Variants in TAFA1 observed in about 807,000 individuals in gnomAD.
TAFA1 encodes chemokine-like protein TAFA-1.
TAFA1 carries 4 observed loss-of-function variants against 18.5 expected under a neutral mutation model. The observed-to-expected ratio is 0.22, with a 90% CI of 0.11 to 0.49. The LOEUF (loss-of-function observed/expected upper bound fraction) is 0.49, where lower values mean the gene tolerates loss of function less well. Among genes scored for constraint, TAFA1 ranks in the 20% least tolerant of loss-of-function variants. The pLI is 0.98. For synonymous variants in TAFA1, 56 were observed against 55.2 expected (o/e 1.01, Z -0.06); for missense variants, 147 against 169.0 (o/e 0.87, Z 0.72).
At chr3:68,428,338 G>C (rs1259303264) in intron 3 of TAFA1, among the ~76,000 whole-genome samples, 1 of 151,828 alleles carries the variant, frequency 6.6e-6, no homozygotes, top group Non-Finnish European at 1.5e-5. Context: ...ACTACACTTT[G>C]TTCCAGCCAT....
At chr3:68,400,883 G>A (rs771931430) in intron 2 of TAFA1, among the ~76,000 whole-genome samples, 13 of 152,090 alleles carry the variant, frequency 8.5e-5, no homozygotes, top group Non-Finnish European at 1.9e-4. Context: ...TACCATTGAC[G>A]AGAACTGTGT....
chr3:68,246,678 G>T (rs1360995941), intron 2 of TAFA1: 1 of 142,480 alleles, frequency 7.0e-6, no homozygotes, highest in African/African-American at 2.6e-5. Flanking sequence ...ATAATGAGAC[G>T]ATACAGTGAA....
intron 2 of TAFA1, among the ~76,000 whole-genome samples, chr3:68,327,518 C>G (rs548431868): frequency 2.6e-5 from 4 of 152,102 alleles, no homozygotes; most frequent in Admixed American, 6.5e-5. Flanking sequence ...TTGCTAGCAG[C>G]ATGAAACTGG....
At chr3:68,503,977 ATAAT>A (rs1450083690) in intron 3 of TAFA1, among the ~76,000 whole-genome samples, 9 of 152,294 alleles carry the variant, frequency 5.9e-5, no homozygotes, top group East Asian at 1.9e-4. Context: ...AACCACAGAA[ATAAT>A]TAATCCAATG....
chr3:68,309,477 C>A (rs529938576), intron 2 of TAFA1, among the ~76,000 whole-genome samples: 2 of 152,242 alleles, frequency 1.3e-5, no homozygotes, highest in East Asian at 3.9e-4. Context: ...GAAAATTTAA[C>A]CCATGTCTAT....
At chr3:68,177,975 T>A (rs977888500) in intron 2 of TAFA1, among the ~76,000 whole-genome samples, 1 of 152,088 alleles carries the variant, frequency 6.6e-6, no homozygotes, top group Admixed American at 6.6e-5. Flanking sequence ...AAACCCCATC[T>A]CTACTAAAAA....
chr3:68,291,361 A>AT (rs1053239952), intron 2 of TAFA1, among the ~76,000 whole-genome samples: 3 of 151,898 alleles, frequency 2.0e-5, no homozygotes, highest in Non-Finnish European at 1.5e-5. Flanking sequence ...GTATTTACAT[A>AT]TTTTTTTTAC....
intron 2 of TAFA1, among the ~76,000 whole-genome samples, chr3:68,132,154 G>A (rs2065548051): frequency 6.6e-6 from 1 of 152,114 alleles, no homozygotes; most frequent in South Asian, 2.1e-4. Flanking sequence ...TTCTGTGTTA[G>A]TTTGCTGAGA....
intron 3 of TAFA1, among the ~76,000 whole-genome samples, chr3:68,429,083 C>A (rs965236547): frequency 1.3e-5 from 2 of 151,924 alleles, no homozygotes; most frequent in Admixed American, 6.6e-5. Flanking sequence ...AGCAGGCAGC[C>A]CATTTGTGTT....
At chr3:68,278,304 A>G (rs1345242255) in intron 2 of TAFA1, among the ~76,000 whole-genome samples, 1 of 152,152 alleles carries the variant, frequency 6.6e-6, no homozygotes, top group Non-Finnish European at 1.5e-5. Context: ...TATATAAAGA[A>G]TTTCACATAC....
At chr3:68,188,937 G>T (rs991771207) in intron 2 of TAFA1, among the ~76,000 whole-genome samples, 2 of 151,834 alleles carry the variant, frequency 1.3e-5, no homozygotes, top group South Asian at 2.1e-4. Context: ...GAATGGGGAC[G>T]ACTTGTGACC....
chr3:68,462,337 T>C (rs1251310453), intron 3 of TAFA1, among the ~76,000 whole-genome samples: 1 of 152,070 alleles, frequency 6.6e-6, no homozygotes. Flanking sequence ...GGGCAAGTCT[T>C]CCCTGTGCTG....
intron 2 of TAFA1, among the ~76,000 whole-genome samples, chr3:68,374,304 T>G (rs758669032): frequency 6.6e-6 from 1 of 152,118 alleles, no homozygotes; most frequent in Non-Finnish European, 1.5e-5. Flanking sequence ...ATAAACATGA[T>G]CATACTTTAT....
chr3:68,295,914 C>T (rs981937535), intron 2 of TAFA1, among the ~76,000 whole-genome samples: 4 of 152,050 alleles, frequency 2.6e-5, no homozygotes, highest in Non-Finnish European at 4.4e-5. Flanking sequence ...TAGCTGAGAC[C>T]AGCTATGTTT....
At position 68,482,653 on chromosome 3, in the gene TAFA1, C is replaced by A. The variant is rs150245620; in HGVS notation, c.260-56103C>A. On this transcript the variant is annotated intron_variant, in intron 3 of 4. Coordinates refer to ENST00000478136, the MANE Select transcript of TAFA1 (RefSeq NM_213609.4). ...CTGATTTTCCTCAAGAAGATTAATTCCTCTACTCTCTTCCTTTTGGTAGAA... is the reference window on the plus strand; with the variant it reads ...CTGATTTTCCTCAAGAAGATTAATTACTCTACTCTCTTCCTTTTGGTAGAA... Among the ~76,000 whole-genome samples, 1,499 of 152,326 alleles carry A rather than the reference C, an allele frequency of 9.8e-3. 10 individuals are homozygous for A. The highest frequency in any genetic ancestry group is 0.015 in the Non-Finnish European group (1,049 of 68,036).
At chr3:68,441,757 G>T (rs1307843985) in intron 3 of TAFA1, among the ~76,000 whole-genome samples, 2 of 152,140 alleles carry the variant, frequency 1.3e-5, no homozygotes, top group African/African-American at 4.8e-5. Context: ...AGTTCCCTAT[G>T]ATCAGTTGAC....
chr3:68,084,587 C>T (rs1315628868), intron 2 of TAFA1, among the ~76,000 whole-genome samples: 1 of 152,074 alleles, frequency 6.6e-6, no homozygotes, highest in Non-Finnish European at 1.5e-5. Context: ...CACCTGAGGT[C>T]AGGAGTTTGA....
chr3:68,293,698 T>A (rs772801483), intron 2 of TAFA1, among the ~76,000 whole-genome samples: 1 of 152,188 alleles, frequency 6.6e-6, no homozygotes, highest in Non-Finnish European at 1.5e-5. Flanking sequence ...TCATAACGCA[T>A]TTGTATTTAA....
rs1463671999 is a variant in TAFA1, at chr3:68,299,873, C to A, written c.119-117407C>A. The stretch of plus-strand genomic sequence containing the variant: ...TTGTGTTGTTGGGCTTGTAGGTACA[C>A]AAAAGTCAAGAATTGAGGTTTGGAA... On this transcript the variant is annotated intron_variant, in intron 2 of 4. Coordinates refer to ENST00000478136, the MANE Select transcript of TAFA1 (RefSeq NM_213609.4). Among the ~76,000 whole-genome samples the A allele has an allele frequency of 2.6e-5, 4 of 152,194 alleles. No individual in the cohort carries two copies. In the East Asian group the frequency reaches 7.7e-4, roughly 29 times the overall value.
Sources: gnomAD v4.1 joint callset for allele counts (sites outside exome capture counted in the v4.1 genomes callset) on GRCh38, gnomAD v4.1.1 for gene constraint, MANE v1.5 for transcripts, NCBI Gene and HGNC (gene_info 2026-07-23, HGNC 2026-07-21) for gene names.